The following CDH3 variants were observed in gnomAD, a reference collection of about 807,000 sequenced individuals.
CDH3 encodes cadherin 3, also known as cadherin-3.
In CDH3, 54 loss-of-function variants were observed where a neutral mutation model predicts 82.0. The observed-to-expected ratio is 0.66, with a 90% CI of 0.53 to 0.83. The LOEUF (loss-of-function observed/expected upper bound fraction) is 0.83. Ranked by LOEUF, CDH3 falls within the 40% of genes least tolerant of loss-of-function variation. The probability of loss-of-function intolerance (pLI) is 0.00; values close to 1 mark genes in which losing one functional copy is unlikely to be tolerated. For synonymous variants in CDH3, 446 were observed against 437.9 expected (o/e 1.02, Z -0.23); for missense variants, 1,054 against 1,084.6 (o/e 0.97, Z 0.40).
At chr16:68,701,764 G>C (rs749624929), downstream of CDH3, among the ~76,000 whole-genome samples, 34 of 151,826 alleles carry the variant, frequency 2.2e-4, no homozygotes, top group Non-Finnish European at 8.8e-5. Flanking sequence ...GGTGACTCAC[G>C]CCTGCAATCC....
chr16:68,689,554 A>G (rs1347252517), intron 12 of CDH3, among the ~76,000 whole-genome samples: 2 of 106,306 alleles, frequency 1.9e-5, no homozygotes, highest in East Asian at 2.8e-4. Flanking sequence ...TAAAAAAAAA[A>G]AAGAAAGAAA....
At chr16:68,650,933 A>C in intron 2 of CDH3, 1 of 213,424 alleles carries the variant, frequency 4.7e-6, no homozygotes, top group Non-Finnish European at 9.4e-6. Context: ...AACATTGAAC[A>C]GGTTAAAAAA....
chr16:68,679,718 A>AT, intron 6 of CDH3, 81 bp from the exon 7 acceptor site: 2 of 766,984 alleles, frequency 2.6e-6, no homozygotes, highest in Non-Finnish European at 4.1e-6. Flanking sequence ...AAAAAAAAAA[A>AT]GAAAAGAAAA....
At chr16:68,657,230 C>T (rs765938020) in intron 2 of CDH3, among the ~76,000 whole-genome samples, 3 of 152,114 alleles carry the variant, frequency 2.0e-5, no homozygotes, top group Admixed American at 6.6e-5. Flanking sequence ...GAAAGCCAAA[C>T]GGGCTCGGTG....
intron 12 of CDH3, among the ~76,000 whole-genome samples, chr16:68,690,638 G>A (rs1386187315): frequency 6.6e-6 from 1 of 151,452 alleles, no homozygotes; most frequent in African/African-American, 2.4e-5. Context: ...GCCGGGCACC[G>A]TGGCTCACGC....
chr16:68,727,131 TTCTCTC>T (rs1045503638), intron 2 of CDH3, among the ~76,000 whole-genome samples: 1 of 152,094 alleles, frequency 6.6e-6, no homozygotes, highest in Non-Finnish European at 1.5e-5. Flanking sequence ...TTCACTCACT[TTCTCTC>T]TCTCTCTTCT....
chr16:68,725,551 T>G (rs1467057585), intron 2 of CDH3, among the ~76,000 whole-genome samples: 1 of 151,894 alleles, frequency 6.6e-6, no homozygotes, highest in East Asian at 2.0e-4. Context: ...GCCAGGATGG[T>G]CTCGATCTCC....
chr16:68,705,837 A>C lies in CDH3; in HGVS notation c.99+9914A>C, dbSNP rs575560287. Among the ~76,000 whole-genome samples the C allele has an allele frequency of 2.0e-5, 3 of 151,614 alleles. No homozygotes were observed. The East Asian group carries it at 6.0e-4, about 30-fold the overall frequency. ...TCCCAGCACTTTGGGAGGCCAAGGC[A>C]GGTGGATCACGAGGTCAAGAGATCG... On this transcript the variant is annotated intron_variant, in intron 1 of 2. Coordinates refer to the CDH3 transcript ENST00000569080.
downstream of CDH3, among the ~76,000 whole-genome samples, chr16:68,702,758 G>C (rs936368180): frequency 1.3e-5 from 2 of 152,002 alleles, no homozygotes; most frequent in Non-Finnish European, 2.9e-5. Flanking sequence ...CCAGCTACTC[G>C]GGAGGCTGAG....
exon 3 of CDH3, among the ~76,000 whole-genome samples, chr16:68,727,447 G>C (rs982124663): frequency 5.3e-5 from 8 of 152,092 alleles, no homozygotes; most frequent in Non-Finnish European, 8.8e-5. Context: ...CTAATACACT[G>C]TGTAACATCA....
At chr16:68,687,762 G>A in intron 12 of CDH3, 26 bp downstream of exon 12, 1 of 1,562,862 alleles carries the variant, frequency 6.4e-7, no homozygotes, top group South Asian at 1.1e-5. Flanking sequence ...GTGGTAGCGG[G>A]TGGGGTGCCA....
intron 2 of CDH3, among the ~76,000 whole-genome samples, chr16:68,653,132 A>G (rs1181136908): frequency 1.3e-5 from 2 of 151,892 alleles, no homozygotes; most frequent in African/African-American, 4.8e-5. Flanking sequence ...TCCCACCCCA[A>G]CAGTCTCCCT....
intron 2 of CDH3, among the ~76,000 whole-genome samples, chr16:68,650,084 G>A (rs1960194964): frequency 6.6e-6 from 1 of 151,750 alleles, no homozygotes; most frequent in Non-Finnish European, 1.5e-5. Flanking sequence ...TTAGCATGGA[G>A]AGGGGGTCAG....
chr16:68,668,836 G>T (rs1960811197), intron 2 of CDH3, among the ~76,000 whole-genome samples: 1 of 152,208 alleles, frequency 6.6e-6, no homozygotes. Flanking sequence ...TAGGTTAATT[G>T]TAAGTAGTCT....
chr16:68,659,113 TGTTGTCCCC>T (rs1377026083), intron 2 of CDH3, among the ~76,000 whole-genome samples: 1 of 152,206 alleles, frequency 6.6e-6, no homozygotes, highest in Non-Finnish European at 1.5e-5. Context: ...GAGGTACTAT[TGTTGTCCCC>T]GTTTTACAGG....
chr16:68,721,525 C>T (rs1414621497), intron 1 of CDH3, among the ~76,000 whole-genome samples: 2 of 152,096 alleles, frequency 1.3e-5, no homozygotes, highest in Admixed American at 1.3e-4. Context: ...TGAGCCACCG[C>T]ACCCGGCCAC....
intron 12 of CDH3, among the ~76,000 whole-genome samples, chr16:68,688,365 G>A (rs1477531520): frequency 6.6e-6 from 1 of 151,950 alleles, no homozygotes; most frequent in African/African-American, 2.4e-5. Context: ...TGAGGCGGGC[G>A]GGTCACCAGG....
downstream of CDH3, among the ~76,000 whole-genome samples, chr16:68,702,100 G>A (rs1462726714): frequency 2.0e-5 from 3 of 151,874 alleles, no homozygotes; most frequent in Non-Finnish European, 4.4e-5. Flanking sequence ...TGTTGGCCAG[G>A]CTGGTCTCGA....
At position 68,687,514 on chromosome 16, in the gene CDH3, A is replaced by C. The variant is rs1961446058; in HGVS notation, c.1573A>C (p.Ser525Arg). ...EVMVLAMDNG[S>R]PPTTGTGTLL... ...ATCATATGTGTCATTACAAACAGGAAGCCCTCCCACCACTGGCACGGGAAC... is the reference window on the plus strand; with the variant it reads ...ATCATATGTGTCATTACAAACAGGACGCCCTCCCACCACTGGCACGGGAAC... The change falls in exon 12 of 16, where the codon AGC (serine) becomes CGC (arginine). Residue 525 changes from serine (S) to arginine (R), a missense_variant and splice_region_variant. Physicochemically the swap from Ser to Arg is moderately radical, Grantham distance 110 (BLOSUM62 -1). Coordinates refer to ENST00000264012, the MANE Select transcript of CDH3 (RefSeq NM_001793.6). 1 of 1,613,538 alleles carries C rather than the reference A, an allele frequency of 6.2e-7. No homozygotes were observed. Among genetic ancestry groups the C allele is most frequent in the African/African-American group, 1.3e-5 (1 of 74,898 alleles).
Sources: gnomAD v4.1 joint callset for allele counts (sites outside exome capture counted in the v4.1 genomes callset) on GRCh38, gnomAD v4.1.1 for gene constraint, MANE v1.5 for transcripts, NCBI Gene and HGNC (gene_info 2026-07-23, HGNC 2026-07-21) for gene names.